CHD4: variants seen among roughly 807,000 people sequenced by gnomAD.
CHD4 encodes the protein ATP-dependent chromatin remodeler CHD4.
Under a neutral mutation model 235.5 loss-of-function variants are expected in CHD4, and 35 were observed. The observed-to-expected ratio is 0.15, with a 90% CI of 0.11 to 0.20. The LOEUF is 0.20. Among genes scored for constraint, CHD4 ranks in the 10% least tolerant of loss-of-function variants. CHD4 has a pLI of 1.00. For missense variants in CHD4, 1,329 were observed against 2,432.3 expected (o/e 0.55, Z 9.54); for synonymous variants, 900 against 850.2 (o/e 1.06, Z -1.02).
intron 23 of CHD4, 135 bp from the exon 24 acceptor site, chr12:6,588,084 C>A (rs1948329415): frequency 8.9e-7 from 1 of 1,124,810 alleles, no homozygotes; most frequent in Admixed American, 2.2e-5. Context: ...TCCTTTTGCA[C>A]CCCTGCCTCC....
At position 6,594,443 on chromosome 12, in the gene CHD4, C is replaced by T. The variant is rs572536563; in HGVS notation, c.2313+16G>A. On this transcript the variant is annotated intron_variant, in intron 15 of 39. Coordinates refer to ENST00000544040, the MANE Select transcript of CHD4 (RefSeq NM_001273.5). ...AAACACCCACACAAAAAACTATCCA[C>T]CCCAGATTTCCTTACCTCCTTGTAA... The T allele has an allele frequency of 1.9e-5, 30 of 1,592,152 alleles. No individual in the cohort carries two copies. In the South Asian group the frequency reaches 1.9e-4, roughly 10 times the overall value.
chr12:6,588,197 A>C, intron 23 of CHD4, 101 bp downstream of exon 23: 2 of 1,438,152 alleles, frequency 1.4e-6, no homozygotes, highest in Non-Finnish European at 1.9e-6. Context: ...GTTGTTTCTC[A>C]CTTAAAAACC....
chr12:6,581,603 A>G (rs777295505), intron 31 of CHD4, 46 bp downstream of exon 31: 2 of 1,613,698 alleles, frequency 1.2e-6, no homozygotes, highest in Non-Finnish European at 1.7e-6. Context: ...AAAATAGGCC[A>G]GGACAAAAAG....
Position 6,573,093 on chromosome 12 carries a change from G to A in CHD4, c.5538C>T (p.Ala1846=), listed in dbSNP as rs755289734. The A allele has an allele frequency of 5.0e-6, 8 of 1,609,748 alleles. No homozygotes were observed. The African/African-American group carries it at 6.7e-5, about 13-fold the overall frequency. The change falls in exon 38 of 40, where the codon GCC becomes GCT. Residue 1846 remains alanine (A), a synonymous_variant. Coordinates refer to ENST00000544040, the MANE Select transcript of CHD4 (RefSeq NM_001273.5). ...GGCTACCTTTGTGCAGGACTGCATT[G>A]GCTGGCTTGTTTCCTGCCATTGACT... The part of the protein sequence containing the change: ...SKESMAGNKP[A]NAVLHKVLKQ...
chr12:6,580,997 C>T (rs1435989814), intron 33 of CHD4, 47 bp downstream of exon 33: 1 of 1,607,194 alleles, frequency 6.2e-7, no homozygotes, highest in Non-Finnish European at 8.5e-7. Flanking sequence ...CAGCACTACA[C>T]TGTCTCAAAA....
chr12:6,598,217 C>A lies in CHD4; in HGVS notation c.1686+5G>T. 6.2e-7 allele frequency: 1 copy of A among 1,611,840 alleles called. No individual in the cohort carries two copies. Among genetic ancestry groups the A allele is most frequent in the Non-Finnish European group, 8.5e-7 (1 of 1,178,404 alleles). On this transcript the variant is annotated splice_donor_5th_base_variant and intron_variant, in intron 11 of 39. Coordinates refer to ENST00000544040, the MANE Select transcript of CHD4 (RefSeq NM_001273.5). Reference sequence around the variant, plus strand: ...CCCTACATCTCCAGACTATCCTAAACTTACCTGCAGTTCAGAAACCCAGGA... The same window carrying A: ...CCCTACATCTCCAGACTATCCTAAAATTACCTGCAGTTCAGAAACCCAGGA...
chr12:6,595,984 T>C (rs1277129791), intron 13 of CHD4, 22 bp downstream of exon 13: 3 of 1,596,744 alleles, frequency 1.9e-6, no homozygotes, highest in African/African-American at 1.4e-5. Flanking sequence ...AACAACTCTA[T>C]GCCTCACCCA....
intron 14 of CHD4, among the ~76,000 whole-genome samples, chr12:6,595,081 C>T (rs1592276009): frequency 6.6e-6 from 1 of 152,220 alleles, no homozygotes; most frequent in East Asian, 1.9e-4. Flanking sequence ...TATGTGGCCC[C>T]TCCCCCCAGA....
intron 25 of CHD4, among the ~76,000 whole-genome samples, chr12:6,585,614 C>T (rs1948274415): frequency 1.3e-5 from 2 of 151,422 alleles, no homozygotes; most frequent in African/African-American, 2.4e-5. Flanking sequence ...ATGGTGAAAC[C>T]CCATCTCTAC....
chr12:6,598,195 T>C (rs373705928), intron 11 of CHD4, 27 bp downstream of exon 11: 196 of 1,609,400 alleles, frequency 1.2e-4, no homozygotes, highest in Non-Finnish European at 1.5e-4. Flanking sequence ...TCGTAGCCCC[T>C]ACATCTCCAG....
At position 6,583,352 on chromosome 12, in the gene CHD4, G is replaced by A. The variant is rs775864311; in HGVS notation, c.3906C>T (p.Ile1302=). 6.2e-7 allele frequency: 1 copy of A among 1,613,208 alleles called. No individual in the cohort carries two copies. The highest frequency in any genetic ancestry group is 1.1e-5 in the South Asian group (1 of 91,012). ...MGEEEEVERE[I]IKQEESVDPD... is the part of the protein sequence containing the mutation. ...GATCCACACTTTCTTCCTGTTTAAT[G>A]ATTTCCCGTTCTACCTCCTCTTCCT... Residue 1302 remains isoleucine (I), a synonymous_variant, in exon 26 of 40, where the codon ATC becomes ATT. Coordinates refer to ENST00000544040, the MANE Select transcript of CHD4 (RefSeq NM_001273.5).
chr12:6,579,588 C>CA (rs1191325394), intron 33 of CHD4: 25,412 of 122,334 alleles, frequency 0.21, 2,820 homozygotes, highest in Non-Finnish European at 0.27. Flanking sequence ...GACTCCATCT[C>CA]AAAAAAAAAA....
intron 38 of CHD4, 156 bp from the exon 39 acceptor site, chr12:6,571,188 ACTC>A (rs1947962117): frequency 2.5e-6 from 2 of 811,478 alleles, no homozygotes; most frequent in Non-Finnish European, 3.8e-6. Flanking sequence ...TCAAATTCCT[ACTC>A]CTCATATTCC....
In CHD4 at chr12:6,593,691, C is replaced by T; in HGVS notation, c.2314-75G>A. On this transcript the variant is annotated intron_variant, in intron 15 of 39. Coordinates refer to ENST00000544040, the MANE Select transcript of CHD4 (RefSeq NM_001273.5). The surrounding 1 kb of genome is among the most constrained non-coding windows in gnomAD (Gnocchi z 4.9). The stretch of plus-strand genomic sequence containing the variant: ...ACCCCAGCGAACACCCACCACCCTG[C>T]TGCCCCCTCAAGCTGAGCCAAGGAC... The T allele has an allele frequency of 7.3e-6, 10 of 1,364,842 alleles. No homozygotes were observed. Among genetic ancestry groups the T allele is most frequent in the Non-Finnish European group, 1.0e-5 (10 of 974,390 alleles). 84.5% of individuals were successfully genotyped at this position (1,364,842 alleles called of 1,614,324 possible).
intron 25 of CHD4, chr12:6,583,681 G>C (rs908348459): frequency 3.5e-6 from 1 of 285,748 alleles, no homozygotes; most frequent in African/African-American, 2.2e-5. Flanking sequence ...ATATACAATT[G>C]AAAGATAGCA....
chr12:6,599,718 C>T, intron 10 of CHD4, 55 bp downstream of exon 10: 1 of 1,609,896 alleles, frequency 6.2e-7, no homozygotes, highest in Non-Finnish European at 8.5e-7. Flanking sequence ...CAATAGCCTA[C>T]ATAGAAAAGA....
Position 6,587,364 on chromosome 12 carries a change from T to A in CHD4, c.3879+20A>T. On this transcript the variant is annotated intron_variant, in intron 25 of 39. Transcript: ENST00000544040. ...TCAGACCAATTACCAAGCACAGGAT[T>A]GCCTTGGATTCATACTCACCCCCAT... 2 of 1,607,142 alleles carry A rather than the reference T, an allele frequency of 1.2e-6. No individual in the cohort carries two copies. The highest frequency in any genetic ancestry group is 1.7e-6 in the Non-Finnish European group (2 of 1,174,850).
chr12:6,599,762 C>G lies in CHD4; in HGVS notation c.1482+11G>C. On this transcript the variant is annotated intron_variant, in intron 10 of 39. Transcript: ENST00000544040. Reference sequence around the variant, plus strand: ...TCCCATTTTTTGCCCCGGCTGAGATCAGTCACTCACCGTACAACGGGGACA... The same window carrying G: ...TCCCATTTTTTGCCCCGGCTGAGATGAGTCACTCACCGTACAACGGGGACA... 1 of 1,614,110 alleles carries G rather than the reference C, an allele frequency of 6.2e-7. No homozygotes were observed. Among genetic ancestry groups the G allele is most frequent in the Non-Finnish European group, 8.5e-7 (1 of 1,179,966 alleles).
intron 23 of CHD4, 122 bp downstream of exon 23, chr12:6,588,176 A>C: frequency 7.4e-7 from 1 of 1,358,778 alleles, no homozygotes; most frequent in East Asian, 2.3e-5. Flanking sequence ...TAAACAACAC[A>C]AAAAGAATCT....
Sources: allele counts gnomAD v4.1 joint callset (sites outside exome capture counted in the v4.1 genomes callset), GRCh38; gene constraint gnomAD v4.1.1; non-coding constraint Gnocchi (gnomAD v3.1); transcripts MANE v1.5; gene names NCBI Gene and HGNC (gene_info 2026-07-23, HGNC 2026-07-21).